Variants in DYNC2H1 observed in about 807,000 individuals in gnomAD.
DYNC2H1 encodes the protein cytoplasmic dynein 2 heavy chain 1.
Under a neutral mutation model 570.0 loss-of-function variants are expected in DYNC2H1, and 410 were observed. That is an observed-to-expected ratio of 0.72 (90% confidence interval 0.66 to 0.78). The LOEUF (loss-of-function observed/expected upper bound fraction) is 0.78, where lower values mean the gene tolerates loss of function less well. Among genes scored for constraint, DYNC2H1 ranks in the 30% least tolerant of loss-of-function variants. The probability of loss-of-function intolerance (pLI) is 0.00; values close to 1 mark genes in which losing one functional copy is unlikely to be tolerated. For missense variants in DYNC2H1, 4,865 were observed against 5,046.4 expected (o/e 0.96, Z 1.09); for synonymous variants, 1,688 against 1,677.6 (o/e 1.01, Z -0.15).
At chr11:103,318,867 T>G (rs866815501) in intron 80 of DYNC2H1, among the ~76,000 whole-genome samples, 9 of 152,162 alleles carry the variant, frequency 5.9e-5, no homozygotes, top group African/African-American at 2.2e-4. Context: ...AGAAGTGGCT[T>G]CTTCCTACTC....
intron 78 of DYNC2H1, among the ~76,000 whole-genome samples, chr11:103,310,229 T>C (rs1330460978): frequency 1.3e-5 from 2 of 152,084 alleles, no homozygotes; most frequent in African/African-American, 4.8e-5. Flanking sequence ...TTTTCTTCTT[T>C]TTTCTGTTTT....
intron 6 of DYNC2H1, 143 bp from the exon 7 acceptor site, chr11:103,120,304 C>T (rs933405887): frequency 4.3e-6 from 3 of 703,128 alleles, no homozygotes; most frequent in Middle Eastern, 4.3e-4. Context: ...ATTCTCTGGA[C>T]TAGAGTTTCA....
At chr11:103,473,053 A>ATCAT (rs1373776040) in intron 88 of DYNC2H1, among the ~76,000 whole-genome samples, 2 of 152,188 alleles carry the variant, frequency 1.3e-5, no homozygotes, top group African/African-American at 4.8e-5. Flanking sequence ...AAAAAAGGGT[A>ATCAT]TCATCAACAA....
intron 6 of DYNC2H1, among the ~76,000 whole-genome samples, chr11:103,118,971 G>A (rs1054949342): frequency 1.3e-5 from 2 of 151,646 alleles, no homozygotes; most frequent in Non-Finnish European, 2.9e-5. Context: ...TTACAAAATG[G>A]TGATTTTCTA....
intron 19 of DYNC2H1, 62 bp from the exon 20 acceptor site, chr11:103,148,428 T>C: frequency 3.3e-6 from 5 of 1,493,236 alleles, no homozygotes; most frequent in Non-Finnish European, 4.5e-6. Flanking sequence ...TTAGAAATTA[T>C]GTAACTTAGT....
At chr11:103,431,485 G>A (rs752237174) in intron 84 of DYNC2H1, among the ~76,000 whole-genome samples, 1 of 152,028 alleles carries the variant, frequency 6.6e-6, no homozygotes, top group African/African-American at 2.4e-5. Flanking sequence ...TTCTCTTTGT[G>A]TCTACATTTT....
intron 31 of DYNC2H1, 138 bp downstream of exon 31, chr11:103,166,186 TTA>T (rs1861296494): frequency 1.7e-6 from 1 of 601,692 alleles, no homozygotes. Flanking sequence ...ACTTAAATTT[TTA>T]TAATGTACTT....
intron 59 of DYNC2H1, among the ~76,000 whole-genome samples, chr11:103,225,346 T>C (rs1863761934): frequency 6.6e-6 from 1 of 152,190 alleles, no homozygotes; most frequent in African/African-American, 2.4e-5. Context: ...TCTATAAGGG[T>C]ATTTCTGATG....
intron 61 of DYNC2H1, 72 bp from the exon 62 acceptor site, chr11:103,235,600 T>C: frequency 1.4e-6 from 2 of 1,416,692 alleles, no homozygotes; most frequent in Non-Finnish European, 1.9e-6. Context: ...GTCAAAACCA[T>C]AAAACTGTCA....
In DYNC2H1 at chr11:103,186,267, C is replaced by T. The variant is rs1436893776; in HGVS notation, c.6659C>T (p.Pro2220Leu). The change falls in exon 42 of 89, where the codon CCT becomes CTT. Residue 2220 changes from proline to leucine, a missense_variant. Physicochemically the swap from Pro to Leu is moderately conservative, Grantham distance 98. This residue lies in a region of DYNC2H1 where 231 missense variants were observed against 310.3 expected (regional missense o/e 0.74). Coordinates refer to ENST00000375735, the MANE Select transcript of DYNC2H1 (RefSeq NM_001377.3). The surrounding 1 kb of genome is among the most constrained non-coding windows in gnomAD (Gnocchi z 4.5). ...GTTTTTCATTGGGCACGAGAATCTC[C>T]TCCAGACTTTCACAAACCTATGGAT... ...KEVFHWARES[P>L]PDFHKPMDTY... 1.2e-6 allele frequency: 2 copies of T among 1,611,712 alleles called. No homozygotes were observed. The highest frequency in any genetic ancestry group is 1.7e-6 in the Non-Finnish European group (2 of 1,178,682).
Position 103,199,382 on chromosome 11 carries a change from C to G in DYNC2H1, c.7994C>G (p.Thr2665Ser), listed in dbSNP as rs761271436. The G allele has an allele frequency of 6.2e-7, 1 of 1,610,892 alleles. No homozygotes were observed. Among genetic ancestry groups the G allele is most frequent in the Admixed American group, 1.7e-5 (1 of 59,858 alleles). ...GRSGVGRRTI[T>S]SLVSHMHGAV... ...AGTGGTGTAGGTCGTCGGACCATCA[C>G]TTCTTTAGTCAGTCACATGCATGGA... Residue 2665 changes from threonine to serine, a missense_variant, in exon 49 of 89, where the codon ACT (threonine) becomes AGT (serine). By Grantham distance (58) the Thr-to-Ser change is moderately conservative (BLOSUM62 1). Coordinates refer to ENST00000375735, the MANE Select transcript of DYNC2H1 (RefSeq NM_001377.3). This position sits in a 1 kb window ranked among gnomAD's most constrained non-coding sequence, Gnocchi z 4.6.
At position 103,181,765 on chromosome 11, in the gene DYNC2H1, A is replaced by C. The variant is rs761536295; in HGVS notation, c.6356A>C (p.Glu2119Ala). 6.4e-7 allele frequency: 1 copy of C among 1,560,584 alleles called. No homozygotes were observed. The highest frequency in any genetic ancestry group is 1.2e-5 in the South Asian group (1 of 84,834). ...RMGMIFLSDE[E>A]TDLNSLIKSW... is the part of the protein sequence containing the mutation. ...TGTCTAAACTGTTTCAGTGATGAAG[A>C]GACAGATCTTAATTCTCTGATAAAA... The change falls in exon 40 of 89, where the codon GAG becomes GCG. Residue 2119 changes from glutamate to alanine, a missense_variant. Physicochemically the swap from Glu to Ala is moderately radical, Grantham distance 107. Around this residue, in one of 5 missense-constraint regions of DYNC2H1, gnomAD observed 231 missense variants for 310.3 expected, o/e 0.74. Transcript: ENST00000375735. The surrounding 1 kb of genome is among the most constrained non-coding windows in gnomAD (Gnocchi z 5.0).
In DYNC2H1 at chr11:103,186,440, T is replaced by C. The variant is rs1164128314; in HGVS notation, c.6832T>C (p.Trp2278Arg). The C allele has an allele frequency of 2.5e-6, 4 of 1,612,686 alleles. No individual in the cohort carries two copies. The highest frequency in any genetic ancestry group is 2.2e-5 in the East Asian group (1 of 44,820). Residue 2278 changes from tryptophan (W) to arginine (R), a missense_variant, in exon 42 of 89, where the codon TGG (tryptophan) becomes CGG (arginine). Trp to Arg is a moderately radical substitution (Grantham distance 101). Coordinates refer to ENST00000375735, the MANE Select transcript of DYNC2H1 (RefSeq NM_001377.3). The surrounding 1 kb of genome is among the most constrained non-coding windows in gnomAD (Gnocchi z 4.5). ...ACGAGGTCTAGATTATTTCAAACCATGGTTAAGTTCTGATACTAAACAGCC... is the reference window on the plus strand; with the variant it reads ...ACGAGGTCTAGATTATTTCAAACCACGGTTAAGTTCTGATACTAAACAGCC... ...MQRGLDYFKP[W>R]LSSDTKQPFI... is the part of the protein sequence containing the mutation.
intron 70 of DYNC2H1, among the ~76,000 whole-genome samples, chr11:103,266,245 C>T (rs1865500139): frequency 6.6e-6 from 1 of 152,088 alleles, no homozygotes; most frequent in South Asian, 2.1e-4. Flanking sequence ...TCCCAGAGTG[C>T]CTACCTTTCT....
At chr11:103,138,797 C>T (rs1859721289) in intron 17 of DYNC2H1, among the ~76,000 whole-genome samples, 1 of 152,008 alleles carries the variant, frequency 6.6e-6, no homozygotes, top group African/African-American at 2.4e-5. Context: ...GGTACCAGTT[C>T]CTCCTTGTAC....
chr11:103,439,080 G>T lies in DYNC2H1; in HGVS notation c.12456+3048G>T, dbSNP rs1944168243. Among the ~76,000 whole-genome samples the T allele has an allele frequency of 6.6e-6, 1 of 152,116 alleles. No homozygotes were observed. The highest frequency in any genetic ancestry group is 2.4e-5 in the African/African-American group (1 of 41,428). On this transcript the variant is annotated intron_variant, in intron 85 of 88. Transcript: ENST00000375735. This position sits in a 1 kb window ranked among gnomAD's most constrained non-coding sequence, Gnocchi z 4.1. ...GGTAAACAAAATAGACATACATCTT[G>T]TTCTCCAGGAACTATCCTTACAACT...
chr11:103,270,200 A>G (rs1274123355), intron 70 of DYNC2H1, among the ~76,000 whole-genome samples: 10 of 149,306 alleles, frequency 6.7e-5, no homozygotes. Flanking sequence ...CTCAAAAAAA[A>G]AAAAAAAAAT....
chr11:103,322,438 T>C (rs566015679), intron 81 of DYNC2H1, among the ~76,000 whole-genome samples: 1 of 152,316 alleles, frequency 6.6e-6, no homozygotes, highest in South Asian at 2.1e-4. Context: ...CAGAGTATTA[T>C]TAGCTTCCCA....
chr11:103,135,560 G>A lies in DYNC2H1; in HGVS notation c.2271G>A (p.Leu757=). The change falls in exon 16 of 89, where the codon CTG becomes CTA. Residue 757 remains leucine, a synonymous_variant. Coordinates refer to ENST00000375735, the MANE Select transcript of DYNC2H1 (RefSeq NM_001377.3). ...QHWNHQLYKA[L]EHQYQMGLEA... ...GGAATCATCAACTGTACAAAGCTCT[G>A]GAGCATCAGTACCAGATGGGCTTAG... 6.2e-7 allele frequency: 1 copy of A among 1,612,786 alleles called. No individual in the cohort carries two copies. The highest frequency in any genetic ancestry group is 1.1e-5 in the South Asian group (1 of 90,706).
Sources: allele counts gnomAD v4.1 joint callset (sites outside exome capture counted in the v4.1 genomes callset), GRCh38; gene constraint gnomAD v4.1.1; regional missense constraint gnomAD v4.1.1; non-coding constraint Gnocchi (gnomAD v3.1); transcripts MANE v1.5; gene names NCBI Gene and HGNC (gene_info 2026-07-23, HGNC 2026-07-21).